The following SHISA9 variants were observed in gnomAD, a reference collection of about 807,000 sequenced individuals.
The protein encoded by SHISA9 is shisa family member 9, also known as protein shisa-9.
A neutral mutation model predicts 38.0 loss-of-function variants in SHISA9; 13 were observed. That is an observed-to-expected ratio of 0.34 (90% confidence interval 0.22 to 0.54). SHISA9 has a LOEUF of 0.54. Ranked by LOEUF, SHISA9 falls within the 20% of genes least tolerant of loss-of-function variation. SHISA9 has a pLI of 0.91. For synonymous variants in SHISA9, 275 were observed against 242.0 expected (o/e 1.14, Z -1.27); for missense variants, 538 against 575.8 (o/e 0.93, Z 0.67).
At chr16:13,386,135 A>G in the SHISA9 span, among the ~76,000 whole-genome samples, 4 of 152,326 alleles carry the variant, frequency 2.6e-5, no homozygotes, top group South Asian at 8.3e-4. Context: ...ACAAATGAGT[A>G]CAAGTAAAAT....
chr16:13,430,914 G>C, the SHISA9 span, among the ~76,000 whole-genome samples: 1 of 82,930 alleles, frequency 1.2e-5, no homozygotes, highest in African/African-American at 4.6e-5. Context: ...CCTAGTTTCT[G>C]TTTCTAGAAA....
chr16:13,480,451 G>C, the SHISA9 span, among the ~76,000 whole-genome samples: 2 of 152,182 alleles, frequency 1.3e-5, no homozygotes, highest in Non-Finnish European at 2.9e-5. Context: ...GGAACAGGGA[G>C]AGAATGCACT....
At chr16:13,448,750 G>A in the SHISA9 span, among the ~76,000 whole-genome samples, 2 of 152,208 alleles carry the variant, frequency 1.3e-5, no homozygotes, top group African/African-American at 2.4e-5. Flanking sequence ...CAAACAGAAC[G>A]TTTAGTTCAA....
intron 2 of SHISA9, among the ~76,000 whole-genome samples, chr16:12,978,097 A>G (rs548103770): frequency 1.3e-5 from 2 of 152,326 alleles, no homozygotes; most frequent in African/African-American, 4.8e-5. Context: ...CAAGAGAAAC[A>G]AACAGAAAGG....
Position 12,966,783 on chromosome 16 carries a change from C to T in SHISA9, c.691+49968C>T, listed in dbSNP as rs140332675. Reference sequence around the variant, plus strand: ...GTAAATGAATGAAAAGAAAAAGAAGCCTTGGAGGAAGATGTTCAGCATAGT... The same window carrying T: ...GTAAATGAATGAAAAGAAAAAGAAGTCTTGGAGGAAGATGTTCAGCATAGT... On this transcript the variant is annotated intron_variant, in intron 2 of 4. Transcript: ENST00000558583. Among the ~76,000 whole-genome samples the T allele has an allele frequency of 6.2e-4, 94 of 152,266 alleles. 1 individual carries two copies. In the East Asian group the frequency reaches 8.1e-3, roughly 13 times the overall value.
intron 2 of SHISA9, among the ~76,000 whole-genome samples, chr16:12,964,384 G>GT (rs34026936): frequency 0.19 from 27,757 of 142,618 alleles, 3,170 homozygotes; most frequent in Middle Eastern, 0.35. Flanking sequence ...TGGACTTTCT[G>GT]TTTTTTTTTT....
chr16:13,522,123 T>C, the SHISA9 span, among the ~76,000 whole-genome samples: 1 of 152,176 alleles, frequency 6.6e-6, no homozygotes, highest in African/African-American at 2.4e-5. Context: ...TCAAACTGCT[T>C]TCCTGTAATC....
chr16:13,025,241 G>C (rs1458606580), intron 2 of SHISA9, among the ~76,000 whole-genome samples: 3 of 152,152 alleles, frequency 2.0e-5, no homozygotes, highest in African/African-American at 7.2e-5. Context: ...TTCTAGACCA[G>C]TAATTTTCAA....
At chr16:13,469,322 GAAAGAA>G in the SHISA9 span, among the ~76,000 whole-genome samples, 36 of 72,080 alleles carry the variant, frequency 5.0e-4, no homozygotes, top group African/African-American at 1.9e-3. Flanking sequence ...GAGAGAGAGA[GAAAGAA>G]AGAAAGAAAG....
the SHISA9 span, among the ~76,000 whole-genome samples, chr16:13,461,623 A>ATTTTTT: frequency 1.9e-5 from 2 of 106,866 alleles, no homozygotes; most frequent in Non-Finnish European, 3.6e-5. Flanking sequence ...TTTTTTTTTA[A>ATTTTTT]TTTTTTTTTT....
chr16:12,934,116 G>A (rs1596537024), intron 2 of SHISA9, among the ~76,000 whole-genome samples: 1 of 152,148 alleles, frequency 6.6e-6, no homozygotes, highest in Admixed American at 6.5e-5. Flanking sequence ...TCATGCTTGT[G>A]GAAGTCCAGT....
chr16:12,967,110 G>T lies in SHISA9; in HGVS notation c.691+50295G>T, dbSNP rs188068143. Among the ~76,000 whole-genome samples the T allele has an allele frequency of 3.3e-5, 5 of 152,276 alleles. No homozygotes were observed. The East Asian group carries it at 9.6e-4, about 29-fold the overall frequency. ...TGCTGCTATAAAGACACATGCACAC[G>T]TATGTTTATTGCCGCACTATTCACA... is the stretch of plus-strand genomic sequence containing the variant. On this transcript the variant is annotated intron_variant, in intron 2 of 4. Coordinates refer to ENST00000558583, the MANE Select transcript of SHISA9 (RefSeq NM_001145204.3).
chr16:13,194,214 TA>T (rs34522096), intron 2 of SHISA9, among the ~76,000 whole-genome samples: 77,844 of 150,554 alleles, frequency 0.52, 21,251 homozygotes, highest in African/African-American at 0.71. Flanking sequence ...AGGTGGAGAT[TA>T]AAAAAAAAAA....
At chr16:13,531,826 A>T in the SHISA9 span, among the ~76,000 whole-genome samples, 1 of 152,194 alleles carries the variant, frequency 6.6e-6, no homozygotes, top group Non-Finnish European at 1.5e-5. Context: ...GATTTAGAAC[A>T]ATTCATGTTC....
At chr16:13,491,535 C>G in the SHISA9 span, among the ~76,000 whole-genome samples, 1 of 152,206 alleles carries the variant, frequency 6.6e-6, no homozygotes, top group Middle Eastern at 3.4e-3. Context: ...GTCACCAAGG[C>G]TGGAGTGAAG....
At chr16:13,361,185 T>A in the SHISA9 span, among the ~76,000 whole-genome samples, 2 of 152,220 alleles carry the variant, frequency 1.3e-5, no homozygotes, top group Non-Finnish European at 2.9e-5. Flanking sequence ...CTTCTTTTCT[T>A]CTCTATCTCT....
chr16:13,154,332 G>T (rs937305366), intron 2 of SHISA9, among the ~76,000 whole-genome samples: 3 of 152,162 alleles, frequency 2.0e-5, no homozygotes, highest in Non-Finnish European at 4.4e-5. Flanking sequence ...CTCAAAGTGT[G>T]GTTTCTGTTC....
chr16:13,299,913 A>G, the SHISA9 span, among the ~76,000 whole-genome samples: 3 of 152,152 alleles, frequency 2.0e-5, no homozygotes, highest in South Asian at 4.2e-4. Flanking sequence ...TACATACTCT[A>G]TAGGGTGACG....
At chr16:13,266,089 T>G in the SHISA9 span, among the ~76,000 whole-genome samples, 2 of 152,286 alleles carry the variant, frequency 1.3e-5, no homozygotes, top group African/African-American at 4.8e-5. Context: ...TTAAAATATG[T>G]TTTTAAATAT....
Sources: gnomAD v4.1 joint callset for allele counts (sites outside exome capture counted in the v4.1 genomes callset) on GRCh38, gnomAD v4.1.1 for gene constraint, MANE v1.5 for transcripts, NCBI Gene and HGNC (gene_info 2026-07-23, HGNC 2026-07-21) for gene names.